SYNPO2: variants seen among roughly 807,000 people sequenced by gnomAD.
The protein encoded by SYNPO2 is synaptopodin-2.
Under a neutral mutation model 85.0 loss-of-function variants are expected in SYNPO2, and 56 were observed. That is an observed-to-expected ratio of 0.66 (90% CI 0.53 to 0.82). The LOEUF is 0.82. SYNPO2 is among the 40% of genes least tolerant of loss of function. The pLI, the probability that SYNPO2 is intolerant of heterozygous loss-of-function variation, is 0.00. For synonymous variants in SYNPO2, 602 were observed against 591.1 expected, an observed-to-expected ratio of 1.02 and a Z score of -0.27; for missense variants, 1,575 against 1,534.2, an observed-to-expected ratio of 1.03 and a Z score of -0.44.
At chr4:118,954,796 A>C (rs1291975304) in intron 1 of SYNPO2, among the ~76,000 whole-genome samples, 1 of 152,152 alleles carries the variant, frequency 6.6e-6, no homozygotes, top group Non-Finnish European at 1.5e-5. Context: ...TTTACAAAGT[A>C]CTTTATGTGC....
chr4:118,914,770 T>C (rs751789564), intron 1 of SYNPO2, among the ~76,000 whole-genome samples: 4 of 151,478 alleles, frequency 2.6e-5, no homozygotes, highest in Non-Finnish European at 5.9e-5. Flanking sequence ...ACAGGAAGAG[T>C]GAAGATGGCA....
At chr4:118,948,691 T>G (rs1405943777) in intron 1 of SYNPO2, among the ~76,000 whole-genome samples, 1 of 152,088 alleles carries the variant, frequency 6.6e-6, no homozygotes, top group African/African-American at 2.4e-5. Flanking sequence ...CACACTCTTT[T>G]AAACAACCAG....
chr4:118,985,463 C>CT (rs1189295960), intron 1 of SYNPO2, among the ~76,000 whole-genome samples: 4 of 152,208 alleles, frequency 2.6e-5, no homozygotes, highest in African/African-American at 9.7e-5. Context: ...ATAATCTCAT[C>CT]TTTTTTCAGT....
chr4:118,925,619 T>C (rs544901243), intron 1 of SYNPO2, among the ~76,000 whole-genome samples: 55 of 152,288 alleles, frequency 3.6e-4, no homozygotes, highest in South Asian at 4.1e-4. Flanking sequence ...ACAACATTCA[T>C]TACCTTTAGA....
intron 1 of SYNPO2, among the ~76,000 whole-genome samples, chr4:118,881,731 G>A (rs1732106572): frequency 6.6e-6 from 1 of 152,180 alleles, no homozygotes; most frequent in African/African-American, 2.4e-5. Flanking sequence ...ATAGATCATA[G>A]GGAAGTTGTT....
intron 1 of SYNPO2, among the ~76,000 whole-genome samples, chr4:118,974,705 C>G (rs1735657556): frequency 6.6e-6 from 1 of 152,110 alleles, no homozygotes; most frequent in Non-Finnish European, 1.5e-5. Context: ...CCCTATGTTT[C>G]TTTCTTCTAC....
chr4:118,879,412 C>G (rs111989949), intron 1 of SYNPO2, among the ~76,000 whole-genome samples: 4,315 of 152,160 alleles, frequency 0.028, 82 homozygotes, highest in African/African-American at 0.05. Context: ...TGGGGCTGTG[C>G]GAAGGTAATT....
intron 1 of SYNPO2, among the ~76,000 whole-genome samples, chr4:118,877,594 A>G (rs1249757243): frequency 6.6e-6 from 1 of 152,356 alleles, no homozygotes; most frequent in East Asian, 1.9e-4. Context: ...GCCAACAAGC[A>G]TATGAAAAGA....
chr4:118,888,726 A>G (rs1480664278), upstream of SYNPO2: 2 of 389,140 alleles, frequency 5.1e-6, no homozygotes, highest in South Asian at 6.3e-5. Context: ...ACGTGAGGAC[A>G]TTCTCCTGTG....
At chr4:118,890,733 C>CTCTCTCTCTG (rs749295331) in intron 1 of SYNPO2, among the ~76,000 whole-genome samples, 3,369 of 125,854 alleles carry the variant, frequency 0.027, 69 homozygotes, top group East Asian at 0.053. Context: ...CTCTCTCTCT[C>CTCTCTCTCTG]TGTGTGTGTG....
intron 1 of SYNPO2, among the ~76,000 whole-genome samples, chr4:118,914,576 A>G (rs2149125521): frequency 6.6e-6 from 1 of 152,300 alleles, no homozygotes; most frequent in Middle Eastern, 3.4e-3. Context: ...AAGACCACAC[A>G]TTTGATATCT....
At chr4:118,871,427 C>A (rs1200204146) in intron 1 of SYNPO2, among the ~76,000 whole-genome samples, 1 of 151,952 alleles carries the variant, frequency 6.6e-6, no homozygotes, top group Non-Finnish European at 1.5e-5. Flanking sequence ...ATAGCATTTG[C>A]CACCATGTGA....
intron 1 of SYNPO2, among the ~76,000 whole-genome samples, chr4:118,863,201 C>G (rs1196632004): frequency 1.3e-5 from 2 of 152,224 alleles, no homozygotes; most frequent in African/African-American, 2.4e-5. Flanking sequence ...ACTCCCTTCT[C>G]CTCTATTTTT....
At position 119,060,712 on chromosome 4, in the gene SYNPO2, A is replaced by C. The variant is rs2149204046; in HGVS notation, c.*2778A>C. The stretch of plus-strand genomic sequence containing the variant: ...AGAAAGAGTTTGAGTTTTACTGTGG[A>C]TTAAAAAGCCTTCCCTAAAAAGAGA... On this transcript the variant is annotated 3_prime_UTR_variant, in exon 5 of 5. Transcript: ENST00000307142. 1 of 152,334 alleles carries C rather than the reference A, an allele frequency of 6.6e-6. No homozygotes were observed. Among genetic ancestry groups the C allele is most frequent in the East Asian group, 1.9e-4 (1 of 5,192 alleles). The allele number at this position is 152,334 out of a possible 1,614,324, so 9.4% of individuals were successfully genotyped here. A position where few individuals can be genotyped will look rare whatever the true frequency, so the allele number is the denominator to read the frequency against.
intron 1 of SYNPO2, among the ~76,000 whole-genome samples, chr4:118,935,745 A>G (rs753114780): frequency 3.9e-5 from 6 of 152,284 alleles, no homozygotes; most frequent in African/African-American, 9.6e-5. Flanking sequence ...CAGTTGATTA[A>G]CACATATTAA....
chr4:119,030,896 T>C lies in SYNPO2; in HGVS notation c.2121T>C (p.Asn707=). The C allele has an allele frequency of 1.9e-6, 3 of 1,614,038 alleles. No individual in the cohort carries two copies. The highest frequency in any genetic ancestry group is 2.2e-5 in the South Asian group (2 of 91,060). Residue 707 remains asparagine (N), a synonymous_variant, in exon 4 of 5, where the codon AAT becomes AAC. Coordinates refer to ENST00000307142, the MANE Select transcript of SYNPO2 (RefSeq NM_133477.3). ...FTFKEPKVSP[N]PELLSLLQNS... Reference sequence around the variant, plus strand: ...TTAAAGAGCCCAAAGTAAGCCCAAATCCTGAACTCTTGTCACTCCTTCAAA... The same window carrying C: ...TTAAAGAGCCCAAAGTAAGCCCAAACCCTGAACTCTTGTCACTCCTTCAAA...
intron 1 of SYNPO2, among the ~76,000 whole-genome samples, chr4:118,918,466 G>T (rs926471093): frequency 1.3e-5 from 2 of 152,100 alleles, no homozygotes; most frequent in African/African-American, 4.8e-5. Context: ...ATGGAAAGGG[G>T]TTTATCACTA....
rs1221962887 is a variant in SYNPO2, at chr4:119,038,221, C to T, written c.3252+6194C>T. The T allele has an allele frequency of 5.1e-6, 5 of 984,718 alleles. No homozygotes were observed. In the African/African-American group the frequency reaches 8.8e-5, roughly 17 times the overall value. 61.0% of individuals were successfully genotyped at this position (984,718 alleles called of 1,614,324 possible). ...TTTCCCAAACTGATTCACCAAGAGCCTACTGTCTCTGCTTTGTAGATAGCT... is the reference window on the plus strand; with the variant it reads ...TTTCCCAAACTGATTCACCAAGAGCTTACTGTCTCTGCTTTGTAGATAGCT... On this transcript the variant is annotated intron_variant, in intron 4 of 4. Coordinates refer to ENST00000307142, the MANE Select transcript of SYNPO2 (RefSeq NM_133477.3).
chr4:118,918,326 T>C (rs911681305), intron 1 of SYNPO2, among the ~76,000 whole-genome samples: 3 of 152,174 alleles, frequency 2.0e-5, no homozygotes, highest in Admixed American at 6.5e-5. Context: ...TAATAGATTA[T>C]GGTATATGAA....
Sources: gnomAD v4.1 joint callset for allele counts (sites outside exome capture counted in the v4.1 genomes callset) on GRCh38, gnomAD v4.1.1 for gene constraint, MANE v1.5 for transcripts, NCBI Gene and HGNC (gene_info 2026-07-23, HGNC 2026-07-21) for gene names.